LIMD1: variants seen among roughly 807,000 people sequenced by gnomAD.
LIMD1 encodes the protein LIM domain-containing protein 1.
Under a neutral mutation model 58.4 loss-of-function variants are expected in LIMD1, and 23 were observed. That is an observed-to-expected ratio of 0.39 (90% CI 0.28 to 0.56). The LOEUF (loss-of-function observed/expected upper bound fraction) is 0.56, where lower values mean the gene tolerates loss of function less well. Ranked by LOEUF, LIMD1 falls within the 20% of genes least tolerant of loss-of-function variation. LIMD1 has a pLI of 0.57. For synonymous variants in LIMD1, 334 were observed against 345.5 expected (o/e 0.97, Z 0.37); for missense variants, 838 against 855.5 (o/e 0.98, Z 0.25).
intron 1 of LIMD1, among the ~76,000 whole-genome samples, chr3:45,624,854 T>C (rs552759681): frequency 2.0e-5 from 3 of 151,704 alleles, no homozygotes; most frequent in Admixed American, 2.0e-4. Context: ...TAGCCAACTG[T>C]CTTGCTAAGG....
At chr3:45,663,576 G>T (rs1361485204) in intron 2 of LIMD1, among the ~76,000 whole-genome samples, 1 of 152,068 alleles carries the variant, frequency 6.6e-6, no homozygotes. Flanking sequence ...AGATATTGGG[G>T]TTATGATTAA....
At chr3:45,625,928 G>A (rs1377745125) in intron 1 of LIMD1, among the ~76,000 whole-genome samples, 1 of 152,202 alleles carries the variant, frequency 6.6e-6, no homozygotes, top group Non-Finnish European at 1.5e-5. Flanking sequence ...CCAGAGCCCT[G>A]CCCTGGCTTA....
rs184654255 is a variant in LIMD1 at position 45,660,049 on chromosome 3, A to G, written c.1511-5601A>G. On this transcript the variant is annotated intron_variant, in intron 2 of 7. Coordinates refer to ENST00000273317, the MANE Select transcript of LIMD1 (RefSeq NM_014240.3). The stretch of plus-strand genomic sequence containing the variant: ...CTCTGTGATTTTTGGAATAGAGGTG[A>G]TCTTCGCCCTATTACACAAAACGTT... Among the ~76,000 whole-genome samples the G allele has an allele frequency of 2.4e-3, 366 of 152,324 alleles. 2 individuals are homozygous for G. Among genetic ancestry groups the G allele is most frequent in the Admixed American group, 6.6e-3 (101 of 15,288 alleles).
chr3:45,649,453 G>A (rs534864410), intron 2 of LIMD1, among the ~76,000 whole-genome samples: 20 of 151,346 alleles, frequency 1.3e-4, no homozygotes, highest in African/African-American at 3.1e-4. Flanking sequence ...AGGCCGAGGC[G>A]GGCCAATCAT....
intron 2 of LIMD1, among the ~76,000 whole-genome samples, chr3:45,661,602 C>A (rs1207778190): frequency 6.6e-6 from 1 of 152,174 alleles, no homozygotes; most frequent in Non-Finnish European, 1.5e-5. Flanking sequence ...ATTCTACTGA[C>A]ATTTAATACA....
At position 45,595,604 on chromosome 3, in the gene LIMD1, G is replaced by C. The variant is rs1392484638; in HGVS notation, c.725G>C (p.Gly242Ala). The change falls in exon 1 of 8, where the codon GGT becomes GCT. Residue 242 changes from glycine to alanine, a missense_variant. Transcript: ENST00000273317. ...CTGAGCTCCAGCAGGTCTTCTGAGG[G>C]TAGCCTCGGTGGTCAGAATAGTGGC... ...LSLSSSRSSEGSLGGQNSGIG... is the reference protein window; with the variant it reads ...LSLSSSRSSEASLGGQNSGIG... 3 of 1,614,012 alleles carry C rather than the reference G, an allele frequency of 1.9e-6. No individual in the cohort carries two copies.
chr3:45,600,685 C>T (rs1438048868), intron 1 of LIMD1, among the ~76,000 whole-genome samples: 4 of 152,170 alleles, frequency 2.6e-5, no homozygotes, highest in African/African-American at 4.8e-5. Context: ...CAGAGGGCAC[C>T]GTGCCTTTGT....
chr3:45,660,765 G>A (rs1294555238), intron 2 of LIMD1, among the ~76,000 whole-genome samples: 2 of 152,172 alleles, frequency 1.3e-5, no homozygotes, highest in Non-Finnish European at 2.9e-5. Flanking sequence ...GAGGGACAGA[G>A]GGCAGCAGAT....
At chr3:45,598,988 T>G (rs1311932357) in intron 1 of LIMD1, among the ~76,000 whole-genome samples, 2 of 152,128 alleles carry the variant, frequency 1.3e-5, no homozygotes, top group Non-Finnish European at 2.9e-5. Flanking sequence ...TCAGGGAGAT[T>G]AAATTACTTA....
intron 2 of LIMD1, among the ~76,000 whole-genome samples, chr3:45,652,672 G>T (rs1269562742): frequency 6.6e-6 from 1 of 152,208 alleles, no homozygotes; most frequent in Non-Finnish European, 1.5e-5. Context: ...CTCAGGGCTG[G>T]TGGGAATAGG....
chr3:45,650,438 A>C (rs186462800), intron 2 of LIMD1, among the ~76,000 whole-genome samples: 4,546 of 152,034 alleles, frequency 0.03, 74 homozygotes, highest in Non-Finnish European at 0.04. Flanking sequence ...CTGTACCCAT[A>C]AACTCATCAT....
In LIMD1 at chr3:45,605,680, T is replaced by C. The variant is rs563813102; in HGVS notation, c.1408+9393T>C. Reference sequence around the variant, plus strand: ...GTGTCCTTTAGGAAATAACCACACATGGCAAGCCACTGGTATGATGATGAT... The same window carrying C: ...GTGTCCTTTAGGAAATAACCACACACGGCAAGCCACTGGTATGATGATGAT... On this transcript the variant is annotated intron_variant, in intron 1 of 7. Transcript: ENST00000273317. 3.3e-5 allele frequency among the ~76,000 whole-genome samples: 5 copies of C among 152,350 alleles called. No homozygotes were observed. The East Asian group carries it at 9.6e-4, about 29-fold the overall frequency.
At chr3:45,609,913 G>A (rs1226579577) in intron 1 of LIMD1, among the ~76,000 whole-genome samples, 4 of 152,200 alleles carry the variant, frequency 2.6e-5, no homozygotes, top group African/African-American at 9.7e-5. Flanking sequence ...ACTGAATGAG[G>A]CTGGGTGCGG....
At chr3:45,655,603 T>TAG (rs1702020074) in intron 2 of LIMD1, among the ~76,000 whole-genome samples, 1 of 152,134 alleles carries the variant, frequency 6.6e-6, no homozygotes, top group Non-Finnish European at 1.5e-5. Flanking sequence ...CTAGGGAACT[T>TAG]AACTAGAAAT....
chr3:45,629,665 C>T (rs757331044), intron 1 of LIMD1, among the ~76,000 whole-genome samples: 5 of 152,112 alleles, frequency 3.3e-5, no homozygotes, highest in Admixed American at 6.5e-5. Context: ...AGCTGCTGGA[C>T]GGCGAGAGGA....
Position 45,595,119 on chromosome 3 carries a change from A to C in LIMD1, c.240A>C (p.Gly80=), listed in dbSNP as rs1241560744. The C allele has an allele frequency of 6.2e-7, 1 of 1,608,780 alleles. No individual in the cohort carries two copies. Among genetic ancestry groups the C allele is most frequent in the Admixed American group, 1.7e-5 (1 of 59,664 alleles). The change falls in exon 1 of 8, where the codon GGA becomes GGC. Residue 80 remains glycine, a synonymous_variant. Coordinates refer to ENST00000273317, the MANE Select transcript of LIMD1 (RefSeq NM_014240.3). ...LPRGSRGPVN[G]GGRLGPQARW... ...GGGGGAGTAGAGGCCCTGTCAATGG[A>C]GGGGGCCGCCTGGGCCCACAGGCCC...
In LIMD1 at chr3:45,681,193, A is replaced by G. The variant is rs1697738612; in HGVS notation, c.*4134A>G. On this transcript the variant is annotated 3_prime_UTR_variant, in exon 8 of 8. Transcript: ENST00000273317. ...AGTGATTCAGAATTTTACTGTTACTATAAAATTATGCAAAGTATTGTGACA... is the reference window on the plus strand; with the variant it reads ...AGTGATTCAGAATTTTACTGTTACTGTAAAATTATGCAAAGTATTGTGACA... 1 of 152,218 alleles carries G rather than the reference A, an allele frequency of 6.6e-6. No individual in the cohort carries two copies. The highest frequency in any genetic ancestry group is 2.1e-4 in the South Asian group (1 of 4,836). 9.4% of individuals were successfully genotyped at this position (152,218 alleles called of 1,614,324 possible). A position where few individuals can be genotyped will look rare whatever the true frequency, so the allele number is the denominator to read the frequency against.
At chr3:45,598,804 C>A (rs906566598) in intron 1 of LIMD1, among the ~76,000 whole-genome samples, 2 of 152,100 alleles carry the variant, frequency 1.3e-5, no homozygotes, top group Non-Finnish European at 2.9e-5. Flanking sequence ...ATGTGTTTTC[C>A]CAGGGAAATG....
chr3:45,673,666 C>G, intron 6 of LIMD1, 161 bp downstream of exon 6: 1 of 597,052 alleles, frequency 1.7e-6, no homozygotes, highest in South Asian at 1.7e-5. Context: ...TAATCCCACC[C>G]CTTTTAGGAG....
Sources: allele counts gnomAD v4.1 joint callset (sites outside exome capture counted in the v4.1 genomes callset), GRCh38; gene constraint gnomAD v4.1.1; transcripts MANE v1.5; gene names NCBI Gene and HGNC (gene_info 2026-07-23, HGNC 2026-07-21).